ZNF91: variants seen among roughly 807,000 people sequenced by gnomAD.
ZNF91 encodes zinc finger protein 91.
Under a neutral mutation model 12.6 loss-of-function variants are expected in ZNF91, and 7 were observed. The ratio of observed to expected loss-of-function variants is 0.55; its 90% confidence interval spans 0.31 to 1.04. The LOEUF (loss-of-function observed/expected upper bound fraction) is 1.04. Ranked by LOEUF, ZNF91 falls within the 50% of genes least tolerant of loss-of-function variation. The probability of loss-of-function intolerance (pLI) is 0.05; values close to 1 mark genes in which losing one functional copy is unlikely to be tolerated. For missense variants in ZNF91, 1,217 were observed against 1,385.4 expected, an observed-to-expected ratio of 0.88 and a Z score of 1.93; for synonymous variants, 453 against 462.6, an observed-to-expected ratio of 0.98 and a Z score of 0.27.
upstream of ZNF91, among the ~76,000 whole-genome samples, chr19:23,310,976 T>A (rs1398996950): frequency 2.0e-5 from 3 of 152,192 alleles, no homozygotes; most frequent in Non-Finnish European, 4.4e-5. Context: ...TTGTGACATA[T>A]CACCTGGAAA....
At chr19:23,323,150 C>T (rs558095826) in intron 1 of ZNF91, among the ~76,000 whole-genome samples, 107 of 138,368 alleles carry the variant, frequency 7.7e-4, no homozygotes, top group South Asian at 3.3e-3. Flanking sequence ...TTTTCCTTCG[C>T]CTCTCCTCCT....
intron 3 of ZNF91, among the ~76,000 whole-genome samples, chr19:23,366,092 C>G (rs1039147383): frequency 6.6e-6 from 1 of 152,254 alleles, no homozygotes. Context: ...GTACACCTCC[C>G]AGACGGGGTG....
At chr19:23,369,115 G>T (rs1236736684) in intron 3 of ZNF91, among the ~76,000 whole-genome samples, 1 of 152,056 alleles carries the variant, frequency 6.6e-6, no homozygotes, top group Non-Finnish European at 1.5e-5. Flanking sequence ...TTCAAGACCA[G>T]CCTGCTAAAC....
intron 3 of ZNF91, among the ~76,000 whole-genome samples, chr19:23,347,813 G>T (rs1968268910): frequency 6.6e-6 from 1 of 152,040 alleles, no homozygotes; most frequent in Non-Finnish European, 1.5e-5. Flanking sequence ...ACTAAGCCCA[G>T]GGCCAGGTAC....
intron 1 of ZNF91, among the ~76,000 whole-genome samples, chr19:23,377,437 T>C (rs1252984427): frequency 3.9e-5 from 6 of 152,206 alleles, no homozygotes; most frequent in Non-Finnish European, 7.3e-5. Flanking sequence ...CACTCAAGCT[T>C]TAATTAGCTT....
At chr19:23,323,678 TCC>T (rs1967767443) in intron 1 of ZNF91, among the ~76,000 whole-genome samples, 2 of 125,132 alleles carry the variant, frequency 1.6e-5, no homozygotes, top group Non-Finnish European at 3.3e-5. Flanking sequence ...TCTCTCCTCC[TCC>T]TCTACTTCTC....
chr19:23,329,777 T>C (rs182066124), intron 1 of ZNF91, among the ~76,000 whole-genome samples: 1 of 152,322 alleles, frequency 6.6e-6, no homozygotes, highest in Non-Finnish European at 1.5e-5. Context: ...AACAAAATAG[T>C]GATGTTGTCT....
At position 23,360,338 on chromosome 19, in the gene ZNF91, G is replaced by A. The variant is rs755914444; in HGVS notation, c.2641C>T (p.Pro881Ser). The change falls in exon 4 of 4, where the codon CCT becomes TCT. Residue 881 changes from proline (P) to serine (S), a missense_variant. Physicochemically the swap from Pro to Ser is moderately conservative, Grantham distance 74. Coordinates refer to ENST00000300619, the MANE Select transcript of ZNF91 (RefSeq NM_003430.4). ...THKIIHTKEKPSKSEECDKAF... is the reference protein window; with the variant it reads ...THKIIHTKEKSSKSEECDKAF... ...TTGTCACATTCTTCACTCTTGGAAG[G>A]TTTCTCTTTAGTATGAATTATCTTA... The A allele has an allele frequency of 1.9e-6, 3 of 1,613,974 alleles. No homozygotes were observed. In the African/African-American group the frequency reaches 4.0e-5, roughly 22 times the overall value.
chr19:23,334,118 GA>G (rs1381260752), downstream of ZNF91, among the ~76,000 whole-genome samples: 2 of 152,068 alleles, frequency 1.3e-5, no homozygotes, highest in Non-Finnish European at 2.9e-5. Flanking sequence ...AAGAGTGTGG[GA>G]AAGAAGAAAT....
At chr19:23,355,953 C>T (rs974748924), downstream of ZNF91, among the ~76,000 whole-genome samples, 1 of 152,110 alleles carries the variant, frequency 6.6e-6, no homozygotes, top group Non-Finnish European at 1.5e-5. Flanking sequence ...AATGCGATAC[C>T]ACCTTATTCC....
intron 1 of ZNF91, among the ~76,000 whole-genome samples, chr19:23,331,080 G>T (rs1447851399): frequency 6.6e-6 from 1 of 152,062 alleles, no homozygotes; most frequent in East Asian, 1.9e-4. Flanking sequence ...CTGTCTGTTG[G>T]GTGATGTAAG....
chr19:23,365,976 C>A lies in ZNF91; in HGVS notation c.254-3251G>T, dbSNP rs188242090. Among the ~76,000 whole-genome samples, 797 of 152,368 alleles carry A rather than the reference C, an allele frequency of 5.2e-3. 7 individuals carry two copies. Among genetic ancestry groups the A allele is most frequent in the African/African-American group, 0.018 (762 of 41,584 alleles). ...TCTCCCATGTCTACTTCTTTCTACACAGACACAGCAACCATCCGATTTCTC... is the reference window on the plus strand; with the variant it reads ...TCTCCCATGTCTACTTCTTTCTACAAAGACACAGCAACCATCCGATTTCTC... On this transcript the variant is annotated intron_variant, in intron 3 of 3. Coordinates refer to ENST00000300619, the MANE Select transcript of ZNF91 (RefSeq NM_003430.4).
chr19:23,346,483 C>A (rs913706343), intron 3 of ZNF91, among the ~76,000 whole-genome samples: 9 of 152,092 alleles, frequency 5.9e-5, no homozygotes, highest in Non-Finnish European at 1.0e-4. Context: ...CTATGAAAAA[C>A]TTTCAGAAAT....
At chr19:23,329,077 G>A (rs1967884396) in intron 1 of ZNF91, 1 of 152,142 alleles carries the variant, frequency 6.6e-6, no homozygotes, top group Non-Finnish European at 1.5e-5. Context: ...TTACATTCTT[G>A]AAAATAAATT....
At position 23,392,109 on chromosome 19, in the gene ZNF91, T is replaced by TA. The variant is rs544379845; in HGVS notation, c.30+3215dup. On this transcript the variant is annotated intron_variant, in intron 1 of 3. Transcript: ENST00000300619. ...TATCAAAAATCACGTAGCAAACAAT[T>TA]AGTCTGCCGGGCACAGTGGCTCATG... 1.0e-3 allele frequency among the ~76,000 whole-genome samples: 154 copies of TA among 152,170 alleles called. 1 individual carries two copies. Among genetic ancestry groups the TA allele is most frequent in the African/African-American group, 3.5e-3 (144 of 41,540 alleles).
At chr19:23,375,143 G>A (rs1969459180) in intron 1 of ZNF91, among the ~76,000 whole-genome samples, 1 of 151,966 alleles carries the variant, frequency 6.6e-6, no homozygotes. Flanking sequence ...GACACGTTGA[G>A]TTAGAAGGTA....
intron 3 of ZNF91, among the ~76,000 whole-genome samples, chr19:23,373,346 TTATATATATATATATATATATATA>T (rs200251921): frequency 5.8e-5 from 5 of 85,804 alleles, no homozygotes; most frequent in East Asian, 4.8e-4. Flanking sequence ...TCATGTAATC[TTATATATATATATATATATATATA>T]TATATATATA....
intron 1 of ZNF91, among the ~76,000 whole-genome samples, chr19:23,331,031 C>T (rs1055499438): frequency 1.3e-5 from 2 of 152,192 alleles, no homozygotes; most frequent in Admixed American, 1.3e-4. Context: ...CTCATAGCTA[C>T]TTATTTTGGA....
chr19:23,306,078 A>G (rs1967394356), intron 3 of ZNF91, among the ~76,000 whole-genome samples: 4 of 152,210 alleles, frequency 2.6e-5, no homozygotes, highest in South Asian at 2.1e-4. Context: ...ATATGTATCA[A>G]TCTTTGTATA....
Sources: allele counts gnomAD v4.1 joint callset (sites outside exome capture counted in the v4.1 genomes callset), GRCh38; gene constraint gnomAD v4.1.1; transcripts MANE v1.5; gene names NCBI Gene and HGNC (gene_info 2026-07-23, HGNC 2026-07-21).